Variants in PHACTR2 observed in about 807,000 individuals in gnomAD.
PHACTR2 encodes the protein chromosome 6 open reading frame 56.
PHACTR2 carries 30 observed loss-of-function variants against 76.0 expected under a neutral mutation model. The observed-to-expected ratio is 0.39, with a 90% CI of 0.30 to 0.54. The LOEUF is 0.54. Among genes scored for constraint, PHACTR2 ranks in the 20% least tolerant of loss-of-function variants. PHACTR2 has a pLI of 0.61. For missense variants in PHACTR2, 696 were observed against 781.1 expected (o/e 0.89, Z 1.30); for synonymous variants, 292 against 292.5 (o/e 1.00, Z 0.02).
chr6:143,551,266 T>C (rs1584052807), intron 1 of PHACTR2, among the ~76,000 whole-genome samples: 1 of 80,108 alleles, frequency 1.2e-5, no homozygotes, highest in East Asian at 3.5e-4. Flanking sequence ...ATACACTGTA[T>C]TTTTTTCCAT....
At chr6:143,588,624 T>G (rs1775654010) in intron 1 of PHACTR2, among the ~76,000 whole-genome samples, 1 of 152,054 alleles carries the variant, frequency 6.6e-6, no homozygotes, top group South Asian at 2.1e-4. Context: ...ATGTAAGAGT[T>G]CATGAAATAG....
Position 143,546,165 on chromosome 6 carries a change from C to CT in PHACTR2, c.217+8959dup, listed in dbSNP as rs1774994021. On this transcript the variant is annotated intron_variant, in intron 1 of 11. Coordinates refer to the PHACTR2 transcript ENST00000367584. The surrounding 1 kb of genome is among the most constrained non-coding windows in gnomAD (Gnocchi z 4.9). ...GACTCATTATCTTTGATCACACTTGCTGAAATTTGCACAGAGAAGTAGGTT... is the reference window on the plus strand; with the variant it reads ...GACTCATTATCTTTGATCACACTTGCTTGAAATTTGCACAGAGAAGTAGGTT... Among the ~76,000 whole-genome samples, 1 of 152,114 alleles carries CT rather than the reference C, an allele frequency of 6.6e-6. No homozygotes were observed. The highest frequency in any genetic ancestry group is 2.1e-4 in the South Asian group (1 of 4,830).
chr6:143,623,779 A>G lies in PHACTR2; in HGVS notation c.13+15457A>G, dbSNP rs1776202982. Among the ~76,000 whole-genome samples, 1 of 152,158 alleles carries G rather than the reference A, an allele frequency of 6.6e-6. No individual in the cohort carries two copies. Among genetic ancestry groups the G allele is most frequent in the African/African-American group, 2.4e-5 (1 of 41,430 alleles). ...GGGGAATTTTTATATTTTACTCTAGACTTTTCTATTTTTGGTTTTGTTTGT... is the reference window on the plus strand; with the variant it reads ...GGGGAATTTTTATATTTTACTCTAGGCTTTTCTATTTTTGGTTTTGTTTGT... On this transcript the variant is annotated intron_variant, in intron 1 of 11. Coordinates refer to the PHACTR2 transcript ENST00000305766. This position sits in a 1 kb window ranked among gnomAD's most constrained non-coding sequence, Gnocchi z 5.9.
At chr6:143,660,174 G>A (rs1288330587) in intron 1 of PHACTR2, among the ~76,000 whole-genome samples, 2 of 150,878 alleles carry the variant, frequency 1.3e-5, no homozygotes, top group East Asian at 3.9e-4. Flanking sequence ...ATTTCTCCTG[G>A]TACCCACAGA....
chr6:143,613,469 A>AGG (rs1776012588), intron 1 of PHACTR2, among the ~76,000 whole-genome samples: 1 of 152,292 alleles, frequency 6.6e-6, no homozygotes, highest in South Asian at 2.1e-4. Context: ...GTTTTACTCT[A>AGG]ATAGTGTAGT....
At chr6:143,779,505 AT>A (rs1562304410) in intron 9 of PHACTR2, among the ~76,000 whole-genome samples, 1 of 152,006 alleles carries the variant, frequency 6.6e-6, no homozygotes, top group Non-Finnish European at 1.5e-5. Flanking sequence ...GCGCATCACC[AT>A]GCCTGGCTAA....
At position 143,654,833 on chromosome 6, in the gene PHACTR2, T is replaced by C. The variant is rs1776820972; in HGVS notation, c.13+46511T>C. Among the ~76,000 whole-genome samples the C allele has an allele frequency of 6.6e-6, 1 of 151,850 alleles. No individual in the cohort carries two copies. Among genetic ancestry groups the C allele is most frequent in the Non-Finnish European group, 1.5e-5 (1 of 67,976 alleles). On this transcript the variant is annotated intron_variant, in intron 1 of 11. Transcript: ENST00000305766. This position sits in a 1 kb window ranked among gnomAD's most constrained non-coding sequence, Gnocchi z 4.6. ...AATAAACAAAAACTAAATGAAGTATTGATACATGCCACAACATGGACGACT... is the reference window on the plus strand; with the variant it reads ...AATAAACAAAAACTAAATGAAGTATCGATACATGCCACAACATGGACGACT...
In PHACTR2 at chr6:143,633,355, A is replaced by C. The variant is rs573427151; in HGVS notation, c.13+25033A>C. 6.6e-6 allele frequency among the ~76,000 whole-genome samples: 1 copy of C among 152,330 alleles called. No individual in the cohort carries two copies. Among genetic ancestry groups the C allele is most frequent in the East Asian group, 1.9e-4 (1 of 5,192 alleles). On this transcript the variant is annotated intron_variant, in intron 1 of 11. Transcript: ENST00000305766. The surrounding 1 kb of genome is among the most constrained non-coding windows in gnomAD (Gnocchi z 4.1). Reference sequence around the variant, plus strand: ...CTTCAATTTGCAATTCCCTATCGGCATATGATGCTGAACATCTTTTCATAT... The same window carrying C: ...CTTCAATTTGCAATTCCCTATCGGCCTATGATGCTGAACATCTTTTCATAT...
Position 143,684,762 on chromosome 6 carries a change from G to T in PHACTR2, c.46+6553G>T, listed in dbSNP as rs951421507. 1.3e-5 allele frequency among the ~76,000 whole-genome samples: 2 copies of T among 152,148 alleles called. No homozygotes were observed. Among genetic ancestry groups the T allele is most frequent in the African/African-American group, 4.8e-5 (2 of 41,432 alleles). On this transcript the variant is annotated intron_variant, in intron 1 of 12. Coordinates refer to ENST00000440869, the MANE Select transcript of PHACTR2 (RefSeq NM_001100164.2). The surrounding 1 kb of genome is among the most constrained non-coding windows in gnomAD (Gnocchi z 4.3). ...CACAGACTTAACAAGTGGAACTTTA[G>T]CATGTATTTAATTCCCACTCATTCT...
In PHACTR2 at chr6:143,679,809, TTA is replaced by T. The variant is rs1040518732; in HGVS notation, c.46+1603_46+1604del. 7.9e-5 allele frequency among the ~76,000 whole-genome samples: 12 copies of T among 152,150 alleles called. No homozygotes were observed. The highest frequency in any genetic ancestry group is 7.9e-4 in the Admixed American group (12 of 15,276). On this transcript the variant is annotated intron_variant, in intron 1 of 12. Transcript: ENST00000440869. The surrounding 1 kb of genome is among the most constrained non-coding windows in gnomAD (Gnocchi z 4.6). ...CTATAATTCCAAATAAAATGACTGA[TTA>T]TAATGAGAAACTGTAATCTACTTAA... is the stretch of plus-strand genomic sequence containing the variant.
At position 143,793,809 on chromosome 6, in the gene PHACTR2, C is replaced by T. The variant is rs1040240242; in HGVS notation, c.1845+4899C>T. Among the ~76,000 whole-genome samples, 6 of 151,752 alleles carry T rather than the reference C, an allele frequency of 4.0e-5. No homozygotes were observed. The South Asian group carries it at 6.3e-4, about 16-fold the overall frequency. Reference sequence around the variant, plus strand: ...GCGCGTACCTGTAGTCCCAGCTACTCGGGAAGCTGAGGTGGGAGAATTGCT... The same window carrying T: ...GCGCGTACCTGTAGTCCCAGCTACTTGGGAAGCTGAGGTGGGAGAATTGCT... On this transcript the variant is annotated intron_variant, in intron 11 of 12. Transcript: ENST00000440869. This position sits in a 1 kb window ranked among gnomAD's most constrained non-coding sequence, Gnocchi z 4.4.
rs1463010389 is a variant in PHACTR2 at position 143,750,350 on chromosome 6, T to C, written c.295+1285T>C. 6.6e-6 allele frequency among the ~76,000 whole-genome samples: 1 copy of C among 152,226 alleles called. No homozygotes were observed. The highest frequency in any genetic ancestry group is 1.5e-5 in the Non-Finnish European group (1 of 68,042). Reference sequence around the variant, plus strand: ...AGTTAAAAATGCACATTTCTAACTTTTTAAACTTAAAGGTAGGCTTGCAAT... The same window carrying C: ...AGTTAAAAATGCACATTTCTAACTTCTTAAACTTAAAGGTAGGCTTGCAAT... On this transcript the variant is annotated intron_variant, in intron 3 of 12. Coordinates refer to ENST00000440869, the MANE Select transcript of PHACTR2 (RefSeq NM_001100164.2). This position sits in a 1 kb window ranked among gnomAD's most constrained non-coding sequence, Gnocchi z 4.6.
At chr6:143,771,204 A>ATATGTG (rs1205111630) in intron 6 of PHACTR2, among the ~76,000 whole-genome samples, 7 of 74,532 alleles carry the variant, frequency 9.4e-5, no homozygotes, top group African/African-American at 3.8e-4. Context: ...GTATATATAT[A>ATATGTG]TATATATATA....
At chr6:143,725,831 A>G (rs1046743145) in intron 2 of PHACTR2, among the ~76,000 whole-genome samples, 261 of 152,222 alleles carry the variant, frequency 1.7e-3, no homozygotes, top group African/African-American at 5.5e-3. Flanking sequence ...AAAAAAAAAA[A>G]AAAAAGAATG....
chr6:143,796,971 T>C (rs1775842649), intron 11 of PHACTR2, among the ~76,000 whole-genome samples: 1 of 152,204 alleles, frequency 6.6e-6, no homozygotes, highest in Non-Finnish European at 1.5e-5. Context: ...TTCTAGATCC[T>C]TGAGGAATCG....
rs955761358 is a variant in PHACTR2 at position 143,641,981 on chromosome 6, G to A, written c.13+33659G>A. 3.3e-5 allele frequency among the ~76,000 whole-genome samples: 5 copies of A among 152,144 alleles called. No individual in the cohort carries two copies. Among genetic ancestry groups the A allele is most frequent in the Non-Finnish European group, 7.4e-5 (5 of 68,026 alleles). ...AGGTAATCGTGTTTGTCCCACTCAT[G>A]CATGGCCAACAGCTACATAGAGGTG... is the stretch of plus-strand genomic sequence containing the variant. On this transcript the variant is annotated intron_variant, in intron 1 of 11. Coordinates refer to the PHACTR2 transcript ENST00000305766. The surrounding 1 kb of genome is among the most constrained non-coding windows in gnomAD (Gnocchi z 5.8).
rs1582877927 is a variant in PHACTR2 at position 143,784,503 on chromosome 6, G to T, written c.1707+1223G>T. Among the ~76,000 whole-genome samples the T allele has an allele frequency of 6.6e-6, 1 of 152,132 alleles. No individual in the cohort carries two copies. The highest frequency in any genetic ancestry group is 1.9e-4 in the East Asian group (1 of 5,198). On this transcript the variant is annotated intron_variant, in intron 10 of 12. Transcript: ENST00000440869. The surrounding 1 kb of genome is among the most constrained non-coding windows in gnomAD (Gnocchi z 4.5). ...AGTGTGACCTGACCCACATTTTTGTGGGCTGGCCAGGGAGTCTTCAACAAA... is the reference window on the plus strand; with the variant it reads ...AGTGTGACCTGACCCACATTTTTGTTGGCTGGCCAGGGAGTCTTCAACAAA...
Position 143,611,327 on chromosome 6 carries a change from C to T in PHACTR2, c.13+3005C>T, listed in dbSNP as rs1194093042. ...GCATTCTAGCTCAGTGGTTCAAAGC[C>T]TTTTGACAATTGATGTACATTCATT... On this transcript the variant is annotated intron_variant, in intron 1 of 11. Transcript: ENST00000305766. The surrounding 1 kb of genome is among the most constrained non-coding windows in gnomAD (Gnocchi z 4.4). Among the ~76,000 whole-genome samples the T allele has an allele frequency of 6.6e-6, 1 of 152,108 alleles. No individual in the cohort carries two copies. Among genetic ancestry groups the T allele is most frequent in the African/African-American group, 2.4e-5 (1 of 41,412 alleles).
At chr6:143,812,199 T>C (rs991832283) in intron 12 of PHACTR2, among the ~76,000 whole-genome samples, 3 of 152,300 alleles carry the variant, frequency 2.0e-5, no homozygotes, top group South Asian at 4.1e-4. Flanking sequence ...CCTTTGCTTC[T>C]CTATCTCCGG....
Sources: allele counts gnomAD v4.1 joint callset (sites outside exome capture counted in the v4.1 genomes callset), GRCh38; gene constraint gnomAD v4.1.1; non-coding constraint Gnocchi (gnomAD v3.1); transcripts MANE v1.5; gene names NCBI Gene and HGNC (gene_info 2026-07-23, HGNC 2026-07-21).